PDE3A: variants seen among roughly 807,000 people sequenced by gnomAD.
The protein encoded by PDE3A is phosphodiesterase 3A, also known as cGMP-inhibited 3',5'-cyclic phosphodiesterase 3A.
In PDE3A, 43 loss-of-function variants were observed where a neutral mutation model predicts 98.3. That is an observed-to-expected ratio of 0.44 (90% CI 0.34 to 0.56). PDE3A has a LOEUF of 0.56. PDE3A is among the 20% of genes least tolerant of loss of function. PDE3A has a pLI of 0.01. For synonymous variants in PDE3A, 663 were observed against 567.9 expected (o/e 1.17, Z -2.38); for missense variants, 1,427 against 1,440.7 (o/e 0.99, Z 0.15).
Position 20,386,162 on chromosome 12 carries a change from TAAATATATAA to T in PDE3A, c.960+15928_960+15937del, listed in dbSNP as rs1565532675. Among the ~76,000 whole-genome samples, 30 of 87,940 alleles carry T rather than the reference TAAATATATAA, an allele frequency of 3.4e-4. 1 individual carries two copies. The East Asian group carries it at 5.1e-3, about 15-fold the overall frequency. The allele number at this position is 87,940 out of a possible 152,430, so 57.7% of individuals were successfully genotyped here. On this transcript the variant is annotated intron_variant, in intron 1 of 15. Transcript: ENST00000359062. Reference sequence around the variant, plus strand: ...ATATAAATATATATATAAATATATATAAATATATAAAAATATATATAAATATATATAAATA... The same window carrying T: ...ATATAAATATATATATAAATATATATAAATATATATAAATATATATAAATA...
chr12:20,590,489 C>G (rs2121374526), intron 2 of PDE3A, among the ~76,000 whole-genome samples: 1 of 150,740 alleles, frequency 6.6e-6, no homozygotes, highest in African/African-American at 2.4e-5. Context: ...AGAAACACAA[C>G]TCAAGCTGGG....
intron 1 of PDE3A, among the ~76,000 whole-genome samples, chr12:20,428,630 G>A (rs527670036): frequency 1.3e-5 from 2 of 152,222 alleles, no homozygotes; most frequent in East Asian, 3.9e-4. Context: ...AGAGGATTTA[G>A]TTAAGAAATG....
chr12:20,676,343 T>C (rs527581779), intron 15 of PDE3A, among the ~76,000 whole-genome samples: 3 of 152,224 alleles, frequency 2.0e-5, no homozygotes, highest in African/African-American at 7.2e-5. Context: ...CTTGGCTGGG[T>C]ATATGGTTTT....
intron 2 of PDE3A, among the ~76,000 whole-genome samples, chr12:20,565,786 T>C (rs1005072402): frequency 3.3e-5 from 5 of 151,986 alleles, no homozygotes; most frequent in Non-Finnish European, 1.5e-5. Flanking sequence ...TATTAACACA[T>C]ATCCAGGCTA....
chr12:20,533,408 A>G (rs768401350), intron 1 of PDE3A, among the ~76,000 whole-genome samples: 1 of 151,496 alleles, frequency 6.6e-6, no homozygotes, highest in Non-Finnish European at 1.5e-5. Context: ...GAACTGTGTC[A>G]TAACAGGTCT....
intron 1 of PDE3A, among the ~76,000 whole-genome samples, chr12:20,473,039 TTGATAA>T (rs1945467693): frequency 6.6e-6 from 1 of 152,180 alleles, no homozygotes; most frequent in African/African-American, 2.4e-5. Flanking sequence ...TTTTGAACAA[TTGATAA>T]TGAACATTTA....
chr12:20,429,970 A>G (rs1944668160), intron 1 of PDE3A, among the ~76,000 whole-genome samples: 1 of 152,100 alleles, frequency 6.6e-6, no homozygotes, highest in African/African-American at 2.4e-5. Context: ...AAATGTTTTT[A>G]AAATTTCTTT....
At position 20,454,837 on chromosome 12, in the gene PDE3A, G is replaced by A. The variant is rs146854585; in HGVS notation, c.960+84593G>A. On this transcript the variant is annotated intron_variant, in intron 1 of 15. Coordinates refer to ENST00000359062, the MANE Select transcript of PDE3A (RefSeq NM_000921.5). Reference sequence around the variant, plus strand: ...TTATGACTGCATAGTATTCCATGGTGTACATGTACCTCATTTTCTTTATCC... The same window carrying A: ...TTATGACTGCATAGTATTCCATGGTATACATGTACCTCATTTTCTTTATCC... 1.1e-4 allele frequency among the ~76,000 whole-genome samples: 16 copies of A among 152,238 alleles called. No individual in the cohort carries two copies. The East Asian group carries it at 3.1e-3, about 29-fold the overall frequency.
intron 1 of PDE3A, among the ~76,000 whole-genome samples, chr12:20,486,260 G>C (rs1346000670): frequency 2.6e-5 from 4 of 152,080 alleles, no homozygotes; most frequent in Admixed American, 2.6e-4. Flanking sequence ...GAAGGTGAAG[G>C]GGAAGCAATG....
chr12:20,526,676 T>C (rs889202727), intron 1 of PDE3A, among the ~76,000 whole-genome samples: 1 of 151,828 alleles, frequency 6.6e-6, no homozygotes, highest in African/African-American at 2.4e-5. Context: ...GAAAAGTGAA[T>C]GGATGCCAGT....
chr12:20,392,017 G>A (rs368917291), intron 1 of PDE3A, among the ~76,000 whole-genome samples: 137 of 152,040 alleles, frequency 9.0e-4, no homozygotes, highest in East Asian at 3.1e-3. Context: ...GCCTACTTAC[G>A]AACCACTAGT....
rs10841594 is a variant in PDE3A at position 20,686,415 on chromosome 12, C to T, written c.*6144C>T. Among the ~76,000 whole-genome samples the T allele has an allele frequency of 0.7, 106,358 of 152,024 alleles. 37,462 individuals carry two copies. The highest frequency in any genetic ancestry group is 0.82 in the East Asian group (4,254 of 5,186). On this transcript the variant is annotated 3_prime_UTR_variant, in exon 16 of 16. Transcript: ENST00000359062. ...TCCTACTAAGAAAAATTAAACCTTA[C>T]TAATCTTGACTTTCACAGATGAAAC... is the stretch of plus-strand genomic sequence containing the variant.
At chr12:20,513,281 G>A (rs879625073) in intron 1 of PDE3A, among the ~76,000 whole-genome samples, 5 of 152,068 alleles carry the variant, frequency 3.3e-5, no homozygotes, top group Non-Finnish European at 7.4e-5. Flanking sequence ...AATACAGTAC[G>A]TTAGAAATAT....
At chr12:20,446,127 GCCCTT>G (rs1191925548) in intron 1 of PDE3A, among the ~76,000 whole-genome samples, 1 of 152,232 alleles carries the variant, frequency 6.6e-6, no homozygotes, top group East Asian at 1.9e-4. Flanking sequence ...CTGAAATGAA[GCCCTT>G]CCCATCCAAA....
chr12:20,522,001 G>A (rs1013501357), intron 1 of PDE3A, among the ~76,000 whole-genome samples: 1 of 151,984 alleles, frequency 6.6e-6, no homozygotes, highest in Non-Finnish European at 1.5e-5. Context: ...CCAAACTCAG[G>A]GCCTCATTCC....
intron 5 of PDE3A, among the ~76,000 whole-genome samples, chr12:20,622,519 C>G (rs751206601): frequency 3.9e-5 from 6 of 152,088 alleles, no homozygotes; most frequent in Non-Finnish European, 7.4e-5. Flanking sequence ...CTAATCTGGT[C>G]CTCTCTGCTC....
At chr12:20,415,102 AT>A (rs1034444365) in intron 1 of PDE3A, among the ~76,000 whole-genome samples, 41 of 150,544 alleles carry the variant, frequency 2.7e-4, no homozygotes, top group African/African-American at 9.4e-4. Context: ...TGTTCTATTT[AT>A]TGCTGATTTC....
intron 1 of PDE3A, among the ~76,000 whole-genome samples, chr12:20,477,164 G>T (rs527536279): frequency 1.3e-5 from 2 of 152,252 alleles, no homozygotes; most frequent in South Asian, 2.1e-4. Flanking sequence ...AAAAAGGAAA[G>T]ACATGTTTGT....
intron 1 of PDE3A, among the ~76,000 whole-genome samples, chr12:20,395,883 T>G (rs1944008264): frequency 6.6e-6 from 1 of 151,876 alleles, no homozygotes; most frequent in Non-Finnish European, 1.5e-5. Flanking sequence ...TTTAAAATTT[T>G]TTATTCTTTT....
Sources: allele counts gnomAD v4.1 joint callset (sites outside exome capture counted in the v4.1 genomes callset), GRCh38; gene constraint gnomAD v4.1.1; transcripts MANE v1.5; gene names NCBI Gene and HGNC (gene_info 2026-07-23, HGNC 2026-07-21).